Variants in LYPLAL1 observed in about 807,000 individuals in gnomAD.
LYPLAL1 encodes the protein lysophospholipase like 1, also known as lysophospholipase-like protein 1.
A neutral mutation model predicts 19.7 loss-of-function variants in LYPLAL1; 23 were observed. The observed-to-expected ratio is 1.17, with a 90% CI of 0.84 to 1.65. LYPLAL1 has a LOEUF of 1.65. LYPLAL1 is among the 40% of genes most tolerant of loss of function. The probability of loss-of-function intolerance (pLI) is 0.00; values close to 1 mark genes in which losing one functional copy is unlikely to be tolerated. For missense variants in LYPLAL1, 355 were observed against 279.4 expected (o/e 1.27, Z -1.93); for synonymous variants, 119 against 96.3 (o/e 1.24, Z -1.38).
chr1:219,217,379 G>GGTGTGTGTGTGTGTGTGTGTGT (rs371579948), downstream of LYPLAL1, among the ~76,000 whole-genome samples: 1,159 of 134,058 alleles, frequency 8.6e-3, 21 homozygotes, highest in Middle Eastern at 0.019. Context: ...TGCCAGGTTT[G>GGTGTGTGTGTGTGTGTGTGTGT]GTGTGTGTGT....
chr1:219,243,873 C>T, the LYPLAL1 span, among the ~76,000 whole-genome samples: 24 of 149,106 alleles, frequency 1.6e-4, no homozygotes, highest in African/African-American at 4.9e-4. Context: ...GAGCCTAGAT[C>T]GCACCACTGC....
chr1:219,260,274 A>G, the LYPLAL1 span, among the ~76,000 whole-genome samples: 1 of 151,886 alleles, frequency 6.6e-6, no homozygotes, highest in Non-Finnish European at 1.5e-5. Context: ...TAGAAGTCAT[A>G]TAATTAAAAC....
chr1:219,209,186 T>G (rs373327129), intron 3 of LYPLAL1, among the ~76,000 whole-genome samples: 2 of 152,222 alleles, frequency 1.3e-5, no homozygotes, highest in East Asian at 3.9e-4. Context: ...TAAGAACTTA[T>G]TATTTCTTGC....
chr1:219,228,691 T>TATA, the LYPLAL1 span, among the ~76,000 whole-genome samples: 1 of 152,072 alleles, frequency 6.6e-6, no homozygotes, highest in Non-Finnish European at 1.5e-5. Flanking sequence ...TGTATTTATT[T>TATA]ATTTTGAGAC....
At chr1:219,237,939 G>C in the LYPLAL1 span, among the ~76,000 whole-genome samples, 1 of 152,044 alleles carries the variant, frequency 6.6e-6, no homozygotes, top group Non-Finnish European at 1.5e-5. Flanking sequence ...CATGCTTATT[G>C]AATGACTGAA....
the LYPLAL1 span, among the ~76,000 whole-genome samples, chr1:219,228,735 A>G: frequency 6.6e-6 from 1 of 151,998 alleles, no homozygotes; most frequent in African/African-American, 2.4e-5. Context: ...GCTGGAGTGC[A>G]ATGGCGCGAT....
chr1:219,175,002 G>A, intron 1 of LYPLAL1: 1 of 985,402 alleles, frequency 1.0e-6, no homozygotes, highest in Non-Finnish European at 1.2e-6. Flanking sequence ...CGAAGAAAGT[G>A]GTCTTTGAGC....
the LYPLAL1 span, among the ~76,000 whole-genome samples, chr1:219,304,800 T>C: frequency 1.3e-5 from 2 of 152,126 alleles, no homozygotes; most frequent in South Asian, 2.1e-4. Context: ...CACAGATCTC[T>C]GAGGGAATTA....
intron 2 of LYPLAL1, among the ~76,000 whole-genome samples, chr1:219,187,801 C>A (rs1459172248): frequency 6.6e-6 from 1 of 151,656 alleles, no homozygotes; most frequent in Non-Finnish European, 1.5e-5. Context: ...TAGGAGAGCC[C>A]TCTCCTGATA....
chr1:219,400,791 C>G, the LYPLAL1 span, among the ~76,000 whole-genome samples: 6 of 152,204 alleles, frequency 3.9e-5, no homozygotes, highest in South Asian at 4.1e-4. Flanking sequence ...TGAGCCACTG[C>G]ACCCGGCCTG....
At chr1:219,343,570 A>G in the LYPLAL1 span, among the ~76,000 whole-genome samples, 36 of 152,206 alleles carry the variant, frequency 2.4e-4, no homozygotes, top group Admixed American at 7.2e-4. Flanking sequence ...CACTTTCAAA[A>G]TGTTGCAGCT....
the LYPLAL1 span, among the ~76,000 whole-genome samples, chr1:219,243,149 G>GCTGT: frequency 2.6e-5 from 4 of 152,142 alleles, no homozygotes; most frequent in Non-Finnish European, 5.9e-5. Context: ...TCTGATCATG[G>GCTGT]CTGTGGATTT....
the LYPLAL1 span, among the ~76,000 whole-genome samples, chr1:219,233,308 A>G: frequency 6.6e-6 from 1 of 152,206 alleles, no homozygotes; most frequent in African/African-American, 2.4e-5. Flanking sequence ...TTCAACTCAT[A>G]AAAGAGAAAA....
the LYPLAL1 span, among the ~76,000 whole-genome samples, chr1:219,331,630 A>C: frequency 6.6e-6 from 1 of 152,190 alleles, no homozygotes; most frequent in Non-Finnish European, 1.5e-5. Flanking sequence ...AGTCAAGGAC[A>C]GATAAAGTAC....
the LYPLAL1 span, among the ~76,000 whole-genome samples, chr1:219,245,828 TTTGA>T: frequency 6.6e-6 from 1 of 152,162 alleles, no homozygotes; most frequent in African/African-American, 2.4e-5. Context: ...CTGGAGTTAC[TTTGA>T]TTAATATAAA....
chr1:219,179,990 TTTC>T (rs1328689175), intron 2 of LYPLAL1, among the ~76,000 whole-genome samples: 4 of 152,162 alleles, frequency 2.6e-5, no homozygotes, highest in Admixed American at 6.5e-5. Flanking sequence ...TTTGTTTCTT[TTTC>T]TTCTTCTTTT....
chr1:219,210,733 AACAC>A (rs1281717874), intron 4 of LYPLAL1, 86 bp downstream of exon 4: 1 of 1,249,014 alleles, frequency 8.0e-7, no homozygotes, highest in Non-Finnish European at 1.1e-6. Flanking sequence ...AAAGCTGTAA[AACAC>A]ACACACAGTT....
chr1:219,418,736 A>G, the LYPLAL1 span, among the ~76,000 whole-genome samples: 3,113 of 152,310 alleles, frequency 0.02, 41 homozygotes, highest in Middle Eastern at 0.071. Context: ...CCATGCATCT[A>G]TCATTATAGT....
chr1:219,417,737 C>G, the LYPLAL1 span, among the ~76,000 whole-genome samples: 1 of 152,232 alleles, frequency 6.6e-6, no homozygotes, highest in Non-Finnish European at 1.5e-5. Flanking sequence ...TGACCAGTGG[C>G]TTTGCCACCT....
Sources: gnomAD v4.1 joint callset for allele counts (sites outside exome capture counted in the v4.1 genomes callset) on GRCh38, gnomAD v4.1.1 for gene constraint, MANE v1.5 for transcripts, NCBI Gene and HGNC (gene_info 2026-07-23, HGNC 2026-07-21) for gene names.